C8orf76: variants seen among roughly 807,000 people sequenced by gnomAD.
C8orf76 encodes chromosome 8 open reading frame 76, also known as uncharacterized protein C8orf76.
C8orf76 carries 46 observed loss-of-function variants against 38.1 expected under a neutral mutation model. That is an observed-to-expected ratio of 1.21 (90% CI 0.95 to 1.54). C8orf76 has a LOEUF of 1.54. Ranked by LOEUF, C8orf76 falls within the 40% of genes most tolerant of loss-of-function variation. The probability of loss-of-function intolerance (pLI) is 0.00; values close to 1 mark genes in which losing one functional copy is unlikely to be tolerated. For missense variants in C8orf76, 461 were observed against 441.6 expected (o/e 1.04, Z -0.39); for synonymous variants, 166 against 167.5 (o/e 0.99, Z 0.07).
Position 123,231,306 on chromosome 8 carries a change from C to T in C8orf76, c.809G>A (p.Arg270Gln), listed in dbSNP as rs369018257. 8.2e-5 allele frequency: 132 copies of T among 1,603,966 alleles called. No individual in the cohort carries two copies. The highest frequency in any genetic ancestry group is 1.1e-4 in the Non-Finnish European group (125 of 1,175,168). The change falls in exon 4 of 6, where the codon CGA (arginine) becomes CAA (glutamine). Residue 270 changes from arginine (R) to glutamine (Q), a missense_variant. By Grantham distance (43) the Arg-to-Gln change is conservative (BLOSUM62 1). Transcript: ENST00000276704. ...TAAGTGACTCTCAGCTTACCTGGTT[C>T]GTATAAAAGAGGCACATGCTTTCAG... ...TQLKACASFI[R>Q]TRLLLQFTQP... is the part of the protein sequence containing the mutation.
chr8:123,235,695 G>A (rs1159057787), intron 3 of C8orf76, among the ~76,000 whole-genome samples: 1 of 152,116 alleles, frequency 6.6e-6, no homozygotes, highest in Non-Finnish European at 1.5e-5. Context: ...CCCCAGCACC[G>A]GAGACCTGGC....
In C8orf76 at chr8:123,220,369, C is replaced by T. The variant is rs11990795; in HGVS notation, c.949-72G>A. 0.019 allele frequency: 22,365 copies of T among 1,159,292 alleles called. 3,196 individuals are homozygous for T. The African/African-American group carries it at 0.31, about 16-fold the overall frequency. 71.8% of individuals were successfully genotyped at this position (1,159,292 alleles called of 1,614,324 possible). On this transcript the variant is annotated intron_variant, in intron 5 of 5. Coordinates refer to ENST00000276704, the MANE Select transcript of C8orf76 (RefSeq NM_032847.3). ...GACATGGAATGCTAGTTATCAACTG[C>T]GAAGGCTTTCATTCAAAGGCAGAAA...
At chr8:123,238,026 T>C (rs2079666695) in intron 2 of C8orf76, 85 bp from the exon 3 acceptor site, 2 of 1,471,860 alleles carry the variant, frequency 1.4e-6, no homozygotes, top group Non-Finnish European at 9.1e-7. Flanking sequence ...TTTTTTTTCC[T>C]AGGTGGAAAG....
chr8:123,236,002 A>C (rs1443639741), intron 3 of C8orf76, among the ~76,000 whole-genome samples: 3 of 152,250 alleles, frequency 2.0e-5, no homozygotes, highest in Non-Finnish European at 4.4e-5. Flanking sequence ...GCAAACGCTT[A>C]GGAAGTCGAT....
intron 3 of C8orf76, 31 bp from the exon 4 acceptor site, chr8:123,231,788 T>TA (rs756748601): frequency 3.2e-5 from 49 of 1,529,506 alleles, no homozygotes; most frequent in Non-Finnish European, 4.1e-5. Flanking sequence ...TTAAGAAGTT[T>TA]AAACTTCAAA....
intron 3 of C8orf76, among the ~76,000 whole-genome samples, chr8:123,235,813 C>A (rs1825450342): frequency 6.6e-6 from 1 of 151,868 alleles, no homozygotes; most frequent in Non-Finnish European, 1.5e-5. Context: ...CTGCCACTAC[C>A]TTCAACAATC....
At chr8:123,224,227 T>C (rs569737125) in intron 5 of C8orf76, among the ~76,000 whole-genome samples, 1 of 151,882 alleles carries the variant, frequency 6.6e-6, no homozygotes, top group South Asian at 2.1e-4. Flanking sequence ...CTAATTCAAA[T>C]AAAAGAATTA....
chr8:123,231,184 AT>A (rs1282035587), intron 4 of C8orf76, 115 bp downstream of exon 4: 1 of 1,333,466 alleles, frequency 7.5e-7, no homozygotes, highest in Non-Finnish European at 9.9e-7. Context: ...CCATAGGAAA[AT>A]TTCAAAAATA....
In C8orf76 at chr8:123,241,271, C is replaced by T. The variant is rs765681960; in HGVS notation, c.76G>A (p.Gly26Arg). The T allele has an allele frequency of 1.6e-5, 25 of 1,584,900 alleles. No individual in the cohort carries two copies. The highest frequency in any genetic ancestry group is 1.8e-5 in the Non-Finnish European group (21 of 1,169,830). ...TTGGCGCAGTAGGACGCGGGCGGTC[C>T]TGACCGCCGCTCCGGCCTCTCCTCG... is the stretch of plus-strand genomic sequence containing the variant. ...VFEERPERRS[G>R]PPASYCAKLC... The change falls in exon 1 of 6, where the codon GGA (glycine) becomes AGA (arginine). Residue 26 changes from glycine (G) to arginine (R), a missense_variant. Physicochemically the swap from Gly to Arg is moderately radical, Grantham distance 125. Coordinates refer to ENST00000276704, the MANE Select transcript of C8orf76 (RefSeq NM_032847.3).
chr8:123,238,336 C>CT (rs1265993894), intron 2 of C8orf76, among the ~76,000 whole-genome samples: 1 of 152,172 alleles, frequency 6.6e-6, no homozygotes, highest in Non-Finnish European at 1.5e-5. Context: ...TTTGCTCCTC[C>CT]TTCACCTTCT....
chr8:123,225,312 T>TA (rs1204288091), intron 5 of C8orf76, among the ~76,000 whole-genome samples: 2 of 152,172 alleles, frequency 1.3e-5, no homozygotes, highest in African/African-American at 4.8e-5. Flanking sequence ...AGTTCCATTT[T>TA]AGACATTTTG....
chr8:123,235,575 G>A (rs546467893), intron 3 of C8orf76, among the ~76,000 whole-genome samples: 2 of 152,286 alleles, frequency 1.3e-5, no homozygotes, highest in African/African-American at 2.4e-5. Flanking sequence ...CGAACCCCAC[G>A]AGCCCGCTTT....
At chr8:123,227,799 C>G (rs1355983699) in intron 4 of C8orf76, among the ~76,000 whole-genome samples, 1 of 152,084 alleles carries the variant, frequency 6.6e-6, no homozygotes, top group Non-Finnish European at 1.5e-5. Context: ...GCGGAATTGA[C>G]GTAAGTGCAA....
At chr8:123,228,149 A>G (rs1231465676) in intron 4 of C8orf76, among the ~76,000 whole-genome samples, 1 of 151,870 alleles carries the variant, frequency 6.6e-6, no homozygotes, top group Non-Finnish European at 1.5e-5. Context: ...ACCTTCCCAC[A>G]CACTCCGCTG....
rs945024295 is a variant in C8orf76, at chr8:123,220,250, T to C, written c.996A>G (p.Pro332=). 1.2e-6 allele frequency: 2 copies of C among 1,609,680 alleles called. No individual in the cohort carries two copies. Among genetic ancestry groups the C allele is most frequent in the African/African-American group, 2.7e-5 (2 of 74,622 alleles). Residue 332 remains proline (P), a synonymous_variant, in exon 6 of 6, where the codon CCA becomes CCG. Transcript: ENST00000276704. ...CTACGGAGCCAACACACTTCACCTC[T>C]GGGTGAACTTCATCTTTTATTTTTT... ...IPEKIKDEVH[P]EVKCVGSVAL...
In C8orf76 at chr8:123,241,343, C is replaced by T. The variant is rs754747617; in HGVS notation, c.4G>A (p.Asp2Asn). The T allele has an allele frequency of 9.0e-6, 14 of 1,558,664 alleles. No individual in the cohort carries two copies. Among genetic ancestry groups the T allele is most frequent in the African/African-American group, 4.3e-5 (3 of 69,592 alleles). ...CCGCCGAACAACCAGCACCCGGAATCCATCTCGCGCCCGCGGCGGGGGCAA... is the reference window on the plus strand; with the variant it reads ...CCGCCGAACAACCAGCACCCGGAATTCATCTCGCGCCCGCGGCGGGGGCAA... M[D>N]SGCWLFGGEF... Residue 2 changes from aspartate (D) to asparagine (N), a missense_variant, in exon 1 of 6, where the codon GAT (aspartate) becomes AAT (asparagine). Asp to Asn is a conservative substitution (Grantham distance 23, BLOSUM62 1). Coordinates refer to ENST00000276704, the MANE Select transcript of C8orf76 (RefSeq NM_032847.3).
At chr8:123,236,510 C>T (rs754535199) in intron 3 of C8orf76, among the ~76,000 whole-genome samples, 29 of 151,974 alleles carry the variant, frequency 1.9e-4, no homozygotes, top group South Asian at 8.3e-4. Flanking sequence ...AAAAGAAGGC[C>T]GGGTGCAGTG....
intron 5 of C8orf76, among the ~76,000 whole-genome samples, chr8:123,224,931 A>G (rs1408425263): frequency 6.6e-6 from 1 of 152,242 alleles, no homozygotes; most frequent in Admixed American, 6.5e-5. Flanking sequence ...AAATGACCAC[A>G]GAGCAGAATA....
intron 2 of C8orf76, among the ~76,000 whole-genome samples, 165 bp from the exon 3 acceptor site, chr8:123,238,106 G>A (rs1376942748): frequency 6.6e-6 from 1 of 152,176 alleles, no homozygotes; most frequent in African/African-American, 2.4e-5. Context: ...CTATTCTAGT[G>A]ATATGGTTTA....
Sources: allele counts gnomAD v4.1 joint callset (sites outside exome capture counted in the v4.1 genomes callset), GRCh38; gene constraint gnomAD v4.1.1; transcripts MANE v1.5; gene names NCBI Gene and HGNC (gene_info 2026-07-23, HGNC 2026-07-21).